The following SNED1 variants were observed in gnomAD, a reference collection of about 807,000 sequenced individuals.
The protein encoded by SNED1 is sushi, nidogen and EGF-like domain-containing protein 1.
Under a neutral mutation model 166.7 loss-of-function variants are expected in SNED1, and 81 were observed. The ratio of observed to expected loss-of-function variants is 0.49; its 90% CI spans 0.41 to 0.58. The LOEUF (loss-of-function observed/expected upper bound fraction) is 0.58. SNED1 is among the 20% of genes least tolerant of loss of function. The pLI is 0.00. For synonymous variants in SNED1, 762 were observed against 822.0 expected, an observed-to-expected ratio of 0.93 and a Z score of 1.25; for missense variants, 1,604 against 2,000.2, an observed-to-expected ratio of 0.80 and a Z score of 3.78.
At chr2:241,050,171 G>T in intron 12 of SNED1, 2 of 570,720 alleles carry the variant, frequency 3.5e-6, no homozygotes, top group African/African-American at 1.9e-5. Flanking sequence ...CTGAAAATAG[G>T]CTTCATTGCC....
chr2:241,050,232 T>C (rs1237814236), intron 12 of SNED1, among the ~76,000 whole-genome samples: 2 of 152,252 alleles, frequency 1.3e-5, no homozygotes, highest in African/African-American at 4.8e-5. Context: ...CAAATTTTAT[T>C]TTTAAAATTT....
intron 1 of SNED1, among the ~76,000 whole-genome samples, chr2:241,000,791 G>C (rs933037374): frequency 1.3e-5 from 2 of 152,234 alleles, no homozygotes; most frequent in Non-Finnish European, 2.9e-5. Flanking sequence ...CTGAAACAAA[G>C]ATATTATTTG....
At chr2:241,036,103 T>TCACAGGG (rs2061360314) in intron 4 of SNED1, among the ~76,000 whole-genome samples, 2 of 10,764 alleles carry the variant, frequency 1.9e-4, no homozygotes, top group African/African-American at 5.0e-4. Flanking sequence ...GGGGTGGGGG[T>TCACAGGG]TGGGGAGTAG....
At chr2:241,077,906 AAC>A (rs1446349161) in intron 27 of SNED1, among the ~76,000 whole-genome samples, 1 of 152,160 alleles carries the variant, frequency 6.6e-6, no homozygotes, top group Non-Finnish European at 1.5e-5. Flanking sequence ...TGCTCTGGAA[AAC>A]AGTCTGGCAG....
rs185341841 is a variant in SNED1, at chr2:241,048,146, G to A, written c.1274-169G>A. ...GGAGCTGGGAGATGCTGAGCTCCAT[G>A]GGGTGCAGCGCAGCTACAAATCCAT... On this transcript the variant is annotated intron_variant, in intron 8 of 31. Coordinates refer to ENST00000310397, the MANE Select transcript of SNED1 (RefSeq NM_001080437.3). Among the ~76,000 whole-genome samples the A allele has an allele frequency of 1.2e-3, 182 of 152,370 alleles. 1 individual carries two copies. Among genetic ancestry groups the A allele is most frequent in the African/African-American group, 4.3e-3 (178 of 41,590 alleles).
chr2:241,031,604 A>C (rs1453836695), intron 2 of SNED1, among the ~76,000 whole-genome samples: 1 of 152,256 alleles, frequency 6.6e-6, no homozygotes, highest in Non-Finnish European at 1.5e-5. Flanking sequence ...GTTCATTGAC[A>C]GAAAGTGGAC....
intron 4 of SNED1, 98 bp from the exon 5 acceptor site, chr2:241,036,692 T>G: frequency 2.6e-6 from 4 of 1,516,288 alleles, no homozygotes; most frequent in East Asian, 2.3e-5. Context: ...AGGCCGACCT[T>G]TTGGGTCAGG....
At position 241,068,886 on chromosome 2, in the gene SNED1, T is replaced by C. The variant is rs765398089; in HGVS notation, c.3195-25T>C. The C allele has an allele frequency of 6.7e-7, 1 of 1,493,722 alleles. No homozygotes were observed. The highest frequency in any genetic ancestry group is 1.2e-5 in the South Asian group (1 of 82,114). 92.5% of individuals were successfully genotyped at this position (1,493,722 alleles called of 1,614,324 possible). A position where few individuals can be genotyped will look rare whatever the true frequency, so the allele number is the denominator to read the frequency against. On this transcript the variant is annotated intron_variant, in intron 22 of 31. Transcript: ENST00000310397. The surrounding 1 kb of genome is among the most constrained non-coding windows in gnomAD (Gnocchi z 5.3). Reference sequence around the variant, plus strand: ...ACACAGGTCCCAGACATCCCTGTTCTCTCTTTGTCACCTCCTGCCCACAGG... The same window carrying C: ...ACACAGGTCCCAGACATCCCTGTTCCCTCTTTGTCACCTCCTGCCCACAGG...
chr2:241,068,021 C>A lies in SNED1; in HGVS notation c.3194+74C>A. 7.3e-7 allele frequency: 1 copy of A among 1,375,184 alleles called. No individual in the cohort carries two copies. Among genetic ancestry groups the A allele is most frequent in the Non-Finnish European group, 1.0e-6 (1 of 997,098 alleles). The allele number at this position is 1,375,184 out of a possible 1,614,324, so 85.2% of individuals were successfully genotyped here. On this transcript the variant is annotated intron_variant, in intron 22 of 31. Transcript: ENST00000310397. This position sits in a 1 kb window ranked among gnomAD's most constrained non-coding sequence, Gnocchi z 5.3. ...GGGCTCGGGGACACGGGGCCCAGGT[C>A]TCGGGCACATTCTCCGTGTGTGGAC...
chr2:241,055,597 G>T (rs10183172), intron 16 of SNED1, among the ~76,000 whole-genome samples: 94,343 of 152,088 alleles, frequency 0.62, 30,564 homozygotes, highest in African/African-American at 0.81. Flanking sequence ...GAGTTGAGGA[G>T]GCAGAGAAGT....
chr2:241,040,061 C>A lies in SNED1; in HGVS notation c.1046-14C>A. 6.4e-7 allele frequency: 1 copy of A among 1,556,322 alleles called. No homozygotes were observed. The highest frequency in any genetic ancestry group is 2.4e-5 in the East Asian group (1 of 41,942). ...CTGGGAGTCCATCGTCCTGTCTACACCTCCTCACTCTAGCCCAATCCCCCT... is the reference window on the plus strand; with the variant it reads ...CTGGGAGTCCATCGTCCTGTCTACAACTCCTCACTCTAGCCCAATCCCCCT... On this transcript the variant is annotated splice_polypyrimidine_tract_variant and intron_variant, in intron 6 of 31. Coordinates refer to ENST00000310397, the MANE Select transcript of SNED1 (RefSeq NM_001080437.3).
In SNED1 at chr2:241,070,210, C is replaced by T. The variant is rs371448662; in HGVS notation, c.3589+9C>T. The T allele has an allele frequency of 2.8e-5, 45 of 1,598,126 alleles. No individual in the cohort carries two copies. The highest frequency in any genetic ancestry group is 4.5e-5 in the East Asian group (2 of 44,526). Reference sequence around the variant, plus strand: ...CCTCTACATCATCACCTGTGAGTGCCGTGGGCCCTGCGCGTGGGCGGGGCC... The same window carrying T: ...CCTCTACATCATCACCTGTGAGTGCTGTGGGCCCTGCGCGTGGGCGGGGCC... On this transcript the variant is annotated intron_variant, in intron 24 of 31. Coordinates refer to ENST00000310397, the MANE Select transcript of SNED1 (RefSeq NM_001080437.3).
At position 240,998,756 on chromosome 2, in the gene SNED1, C is replaced by T; in HGVS notation, c.-82C>T. 3.3e-6 allele frequency: 2 copies of T among 606,030 alleles called. No homozygotes were observed. The highest frequency in any genetic ancestry group is 4.2e-6 in the Non-Finnish European group (2 of 480,294). The allele number at this position is 606,030 out of a possible 1,614,324, so 37.5% of individuals were successfully genotyped here. On this transcript the variant is annotated 5_prime_UTR_variant, in exon 1 of 32. Coordinates refer to ENST00000310397, the MANE Select transcript of SNED1 (RefSeq NM_001080437.3). Reference sequence around the variant, plus strand: ...CCCGCGCTCCCCGCACCCCGCCTGGCCCTGCCGGCCACCCCCGCGCGCAGC... The same window carrying T: ...CCCGCGCTCCCCGCACCCCGCCTGGTCCTGCCGGCCACCCCCGCGCGCAGC...
Position 241,069,084 on chromosome 2 carries a change from C to T in SNED1, c.3307+61C>T. On this transcript the variant is annotated intron_variant, in intron 23 of 31. Coordinates refer to ENST00000310397, the MANE Select transcript of SNED1 (RefSeq NM_001080437.3). The surrounding 1 kb of genome is among the most constrained non-coding windows in gnomAD (Gnocchi z 4.9). ...GCCGTCTTCTAGAAGCTCTGGCTTC[C>T]TTCCAGCCTCCCCTAGTCCTCTCCA... 2 of 1,181,650 alleles carry T rather than the reference C, an allele frequency of 1.7e-6. No homozygotes were observed. Among genetic ancestry groups the T allele is most frequent in the Non-Finnish European group, 2.4e-6 (2 of 831,884 alleles). The allele number at this position is 1,181,650 out of a possible 1,614,324, so 73.2% of individuals were successfully genotyped here. A position where few individuals can be genotyped will look rare whatever the true frequency, so the allele number is the denominator to read the frequency against.
At chr2:241,040,851 A>G (rs1016565786) in intron 8 of SNED1, 1 of 471,290 alleles carries the variant, frequency 2.1e-6, no homozygotes, top group Non-Finnish European at 4.4e-6. Flanking sequence ...ACCTTTCACT[A>G]TTTTCTATTC....
intron 12 of SNED1, among the ~76,000 whole-genome samples, chr2:241,050,221 T>C (rs2061795331): frequency 6.6e-6 from 1 of 152,272 alleles, no homozygotes; most frequent in Non-Finnish European, 1.5e-5. Flanking sequence ...AATCATTATA[T>C]CAAATTTTAT....
rs1480194867 is a variant in SNED1, at chr2:241,073,758, A to G, written c.3916+394A>G. 1.3e-5 allele frequency: 5 copies of G among 371,908 alleles called. No homozygotes were observed. The highest frequency in any genetic ancestry group is 2.4e-5 in the Non-Finnish European group (5 of 205,750). The allele number at this position is 371,908 out of a possible 1,614,324, so 23.0% of individuals were successfully genotyped here. ...GGCGGAGTCAGGATGGGAGAAGCAG[A>G]GGGAGCAGCCACTGGGCGAGCCCCA... On this transcript the variant is annotated intron_variant, in intron 27 of 31. Transcript: ENST00000310397. The surrounding 1 kb of genome is among the most constrained non-coding windows in gnomAD (Gnocchi z 6.6).
intron 1 of SNED1, among the ~76,000 whole-genome samples, chr2:241,017,744 G>A (rs1238968554): frequency 5.9e-5 from 9 of 152,224 alleles, no homozygotes; most frequent in Non-Finnish European, 1.0e-4. Flanking sequence ...ATCCCACAGC[G>A]GGACCTCAAC....
intron 30 of SNED1, 73 bp downstream of exon 30, chr2:241,087,548 T>C (rs1286124783): frequency 1.3e-6 from 2 of 1,524,794 alleles, no homozygotes; most frequent in Middle Eastern, 2.2e-4. Flanking sequence ...GGCGGGGTGC[T>C]ATGGGATGCT....
Sources: allele counts gnomAD v4.1 joint callset (sites outside exome capture counted in the v4.1 genomes callset), GRCh38; gene constraint gnomAD v4.1.1; non-coding constraint Gnocchi (gnomAD v3.1); transcripts MANE v1.5; gene names NCBI Gene and HGNC (gene_info 2026-07-23, HGNC 2026-07-21).